NDE1: variants seen among roughly 807,000 people sequenced by gnomAD.
NDE1 encodes the protein nuclear distribution protein nudE homolog 1.
In NDE1, 28 loss-of-function variants were observed where a neutral mutation model predicts 43.4. The observed-to-expected ratio is 0.65, with a 90% CI of 0.48 to 0.89. The LOEUF is 0.89. Ranked by LOEUF, NDE1 falls within the 40% of genes least tolerant of loss-of-function variation. The pLI is 0.00. For missense variants in NDE1, 441 were observed against 434.1 expected (o/e 1.02, Z -0.14); for synonymous variants, 184 against 172.0 (o/e 1.07, Z -0.55).
At chr16:15,667,908 A>C (rs1014363643) in intron 3 of NDE1, among the ~76,000 whole-genome samples, 1 of 148,954 alleles carries the variant, frequency 6.7e-6, no homozygotes, top group African/African-American at 2.6e-5. Flanking sequence ...AGTCACACAC[A>C]TGTTCCCGTG....
At chr16:15,668,556 C>T (rs983321768) in intron 3 of NDE1, among the ~76,000 whole-genome samples, 1 of 152,162 alleles carries the variant, frequency 6.6e-6, no homozygotes, top group Admixed American at 6.5e-5. Flanking sequence ...TGAGCCACCA[C>T]CTGGCCAGGG....
chr16:15,705,917 G>A (rs547751572), intron 8 of NDE1, among the ~76,000 whole-genome samples: 7 of 142,862 alleles, frequency 4.9e-5, no homozygotes, highest in South Asian at 2.3e-4. Flanking sequence ...CCCAGGAGGC[G>A]GAGCTTGCAG....
intron 1 of NDE1, among the ~76,000 whole-genome samples, chr16:15,663,807 C>T (rs1338194646): frequency 6.7e-6 from 1 of 150,014 alleles, no homozygotes; most frequent in African/African-American, 2.4e-5. Context: ...TGGTTCACGC[C>T]TGTAATACCA....
At chr16:15,700,040 AT>A (rs772049788) in intron 8 of NDE1, 14 of 1,180,886 alleles carry the variant, frequency 1.2e-5, no homozygotes, top group Non-Finnish European at 1.5e-5. Flanking sequence ...CACCGTGTGC[AT>A]TGCAAAGAGG....
rs2040357859 is a variant in NDE1, at chr16:15,719,597, C to T, written c.948-4594C>T. ...GGCGAGGCTTTACCTCTTGTAGCTG[C>T]ATGAGGTCTGCTTCCAAGCTCTTGG... On this transcript the variant is annotated intron_variant, in intron 8 of 8. Coordinates refer to ENST00000396354, the MANE Select transcript of NDE1 (RefSeq NM_017668.3). 1 of 1,614,188 alleles carries T rather than the reference C, an allele frequency of 6.2e-7. No individual in the cohort carries two copies. The highest frequency in any genetic ancestry group is 8.5e-7 in the Non-Finnish European group (1 of 1,180,044).
At chr16:15,647,161 C>G (rs933861476), upstream of NDE1, among the ~76,000 whole-genome samples, 1 of 152,250 alleles carries the variant, frequency 6.6e-6, no homozygotes, top group African/African-American at 2.4e-5. Context: ...TTGGTACTTT[C>G]CTTAAACCTG....
intron 8 of NDE1, chr16:15,703,544 C>T (rs1275761185): frequency 9.2e-6 from 3 of 327,486 alleles, no homozygotes; most frequent in South Asian, 9.6e-5. Context: ...TCATCTCTTA[C>T]ATCATACAAA....
chr16:15,723,461 A>G (rs182364830), intron 8 of NDE1, among the ~76,000 whole-genome samples: 2 of 152,330 alleles, frequency 1.3e-5, no homozygotes, highest in African/African-American at 4.8e-5. Context: ...AGCCTGGACA[A>G]CATGGCAAAA....
intron 1 of NDE1, among the ~76,000 whole-genome samples, chr16:15,657,750 C>G (rs1371711820): frequency 6.6e-6 from 1 of 151,980 alleles, no homozygotes; most frequent in Non-Finnish European, 1.5e-5. Context: ...CACGCACCGC[C>G]GTGCCCGTTT....
At chr16:15,665,746 TC>T (rs1341772171) in intron 2 of NDE1, among the ~76,000 whole-genome samples, 2 of 150,856 alleles carry the variant, frequency 1.3e-5, no homozygotes, top group African/African-American at 4.9e-5. Flanking sequence ...TGCCTGGCCT[TC>T]CATCTTATTT....
chr16:15,685,887 A>G (rs1221726480), intron 4 of NDE1, among the ~76,000 whole-genome samples: 6 of 152,096 alleles, frequency 3.9e-5, no homozygotes, highest in African/African-American at 1.4e-4. Flanking sequence ...GGTCAATAAT[A>G]AAAATTGCTG....
chr16:15,713,302 G>T (rs1305973448), intron 8 of NDE1: 1 of 152,162 alleles, frequency 6.6e-6, no homozygotes, highest in African/African-American at 2.4e-5. Flanking sequence ...TGATGAGGCA[G>T]TGGGAGCTTG....
intron 1 of NDE1, among the ~76,000 whole-genome samples, chr16:15,660,826 C>T (rs1382649262): frequency 6.6e-6 from 1 of 152,140 alleles, no homozygotes; most frequent in Non-Finnish European, 1.5e-5. Context: ...ACTCCCAGGA[C>T]AGCACAGTCT....
At position 15,692,133 on chromosome 16, in the gene NDE1, A is replaced by C. The variant is rs1201001145; in HGVS notation, c.703+810A>C. 2.0e-5 allele frequency among the ~76,000 whole-genome samples: 3 copies of C among 152,028 alleles called. No individual in the cohort carries two copies. In the East Asian group the frequency reaches 5.8e-4, roughly 29 times the overall value. ...GACAGCTTCCGATCAGGCCTTTTAC[A>C]GCAGATATTAATAACAGACAGTTAA... On this transcript the variant is annotated intron_variant, in intron 6 of 8. Transcript: ENST00000396354.
At chr16:15,694,401 A>G (rs1224932885) in intron 7 of NDE1, 145 bp downstream of exon 7, 1 of 1,516,544 alleles carries the variant, frequency 6.6e-7, no homozygotes. Context: ...GCTGGAGTGT[A>G]GTGGTATGAT....
chr16:15,680,536 C>CAT (rs1283947541), intron 4 of NDE1, among the ~76,000 whole-genome samples: 4 of 151,976 alleles, frequency 2.6e-5, no homozygotes, highest in Non-Finnish European at 4.4e-5. Flanking sequence ...GAGTTCTTTG[C>CAT]ATATATATAT....
chr16:15,723,240 ACT>A (rs1304314310), intron 8 of NDE1, among the ~76,000 whole-genome samples: 27 of 152,302 alleles, frequency 1.8e-4, no homozygotes, highest in South Asian at 1.0e-3. Flanking sequence ...TTAAAAATAA[ACT>A]CTAATTAATA....
chr16:15,657,504 C>T (rs1030806994), intron 1 of NDE1, among the ~76,000 whole-genome samples: 9 of 152,172 alleles, frequency 5.9e-5, no homozygotes, highest in Non-Finnish European at 1.0e-4. Flanking sequence ...GAGATCTGGG[C>T]TCATTAGAGC....
upstream of NDE1, among the ~76,000 whole-genome samples, chr16:15,648,172 G>T (rs993208553): frequency 6.6e-6 from 1 of 151,906 alleles, no homozygotes. Flanking sequence ...AGGGTAAATG[G>T]GTGTCCATGA....
Sources: allele counts gnomAD v4.1 joint callset (sites outside exome capture counted in the v4.1 genomes callset), GRCh38; gene constraint gnomAD v4.1.1; transcripts MANE v1.5; gene names NCBI Gene and HGNC (gene_info 2026-07-23, HGNC 2026-07-21).